The following CLSTN2 variants were observed in gnomAD, a reference collection of about 807,000 sequenced individuals.
CLSTN2 encodes calsyntenin-2.
CLSTN2 carries 48 observed loss-of-function variants against 101.2 expected under a neutral mutation model. The ratio of observed to expected loss-of-function variants is 0.47; its 90% CI spans 0.38 to 0.60. The LOEUF is 0.60. Ranked by LOEUF, CLSTN2 falls within the 20% of genes least tolerant of loss-of-function variation. The pLI, the probability that CLSTN2 is intolerant of heterozygous loss-of-function variation, is 0.00. For synonymous variants in CLSTN2, 481 were observed against 463.6 expected, an observed-to-expected ratio of 1.04 and a Z score of -0.48; for missense variants, 1,160 against 1,238.2, an observed-to-expected ratio of 0.94 and a Z score of 0.95.
chr3:140,444,635 G>A (rs1218634834), intron 5 of CLSTN2, among the ~76,000 whole-genome samples: 3 of 152,144 alleles, frequency 2.0e-5, no homozygotes, highest in African/African-American at 7.2e-5. Flanking sequence ...TTGAATAAAC[G>A]GTAATTTACC....
intron 1 of CLSTN2, among the ~76,000 whole-genome samples, chr3:140,163,550 G>T (rs1372325238): frequency 6.6e-6 from 1 of 151,800 alleles, no homozygotes; most frequent in Admixed American, 6.6e-5. Flanking sequence ...GTCCACTTTA[G>T]TCTTGGCTAT....
intron 2 of CLSTN2, among the ~76,000 whole-genome samples, chr3:140,378,208 C>T (rs1433040844): frequency 2.6e-5 from 4 of 152,108 alleles, no homozygotes; most frequent in African/African-American, 7.2e-5. Flanking sequence ...CAATTTTCTT[C>T]AAATGTATCC....
chr3:140,072,908 G>C (rs192653067), intron 1 of CLSTN2, among the ~76,000 whole-genome samples: 1 of 152,266 alleles, frequency 6.6e-6, no homozygotes, highest in African/African-American at 2.4e-5. Context: ...AGACTGCTAC[G>C]GAGATTGTTT....
At chr3:140,456,991 G>A (rs1933418058) in intron 6 of CLSTN2, among the ~76,000 whole-genome samples, 1 of 152,062 alleles carries the variant, frequency 6.6e-6, no homozygotes, top group African/African-American at 2.4e-5. Context: ...TGTTTGGAGG[G>A]AAATTCACAA....
Position 140,097,391 on chromosome 3 carries a change from CT to C in CLSTN2, c.110-78559del, listed in dbSNP as rs1217963342. Among the ~76,000 whole-genome samples the C allele has an allele frequency of 3.3e-5, 5 of 152,242 alleles. No homozygotes were observed. The South Asian group carries it at 8.3e-4, about 25-fold the overall frequency. ...TTCTGTTGGCTTGCTACAGCACCCCCTGCTTTACTTTCAGCCTACCATTTTT... is the reference window on the plus strand; with the variant it reads ...TTCTGTTGGCTTGCTACAGCACCCCCGCTTTACTTTCAGCCTACCATTTTT... On this transcript the variant is annotated intron_variant, in intron 1 of 16. Coordinates refer to ENST00000458420, the MANE Select transcript of CLSTN2 (RefSeq NM_022131.3).
chr3:140,497,936 T>C (rs1192281654), intron 8 of CLSTN2, among the ~76,000 whole-genome samples: 2 of 152,140 alleles, frequency 1.3e-5, no homozygotes, highest in Non-Finnish European at 2.9e-5. Flanking sequence ...CGTTGGGGGT[T>C]CCTTTGGCTC....
At chr3:140,151,579 G>A (rs1028516051) in intron 1 of CLSTN2, among the ~76,000 whole-genome samples, 6 of 152,094 alleles carry the variant, frequency 3.9e-5, no homozygotes, top group African/African-American at 1.2e-4. Flanking sequence ...TTTTAAAGAG[G>A]CCGTGCTTCC....
chr3:140,314,587 C>CT (rs1414568537), intron 2 of CLSTN2, among the ~76,000 whole-genome samples: 22 of 150,992 alleles, frequency 1.5e-4, no homozygotes, highest in African/African-American at 5.1e-4. Context: ...TTTTTTTTTT[C>CT]TTTAAATAAG....
intron 1 of CLSTN2, among the ~76,000 whole-genome samples, chr3:140,157,868 C>A (rs759397676): frequency 1.3e-5 from 2 of 152,162 alleles, no homozygotes; most frequent in South Asian, 4.1e-4. Flanking sequence ...ATACACAAAT[C>A]AGTAAATGTG....
At chr3:139,957,635 G>A (rs1469139660) in intron 1 of CLSTN2, among the ~76,000 whole-genome samples, 1 of 152,164 alleles carries the variant, frequency 6.6e-6, no homozygotes, top group Non-Finnish European at 1.5e-5. Flanking sequence ...AGGAATGAAT[G>A]AAGTGATTTA....
chr3:140,507,166 A>G (rs2107765517), intron 8 of CLSTN2: 1 of 152,294 alleles, frequency 6.6e-6, no homozygotes, highest in East Asian at 1.9e-4. Context: ...GAGTTAAGGA[A>G]GGAATGTCAG....
chr3:140,047,789 C>T (rs183633808), intron 1 of CLSTN2, among the ~76,000 whole-genome samples: 9 of 152,282 alleles, frequency 5.9e-5, no homozygotes, highest in Admixed American at 3.9e-4. Flanking sequence ...CCCATTAGTT[C>T]GTTAACACAT....
chr3:140,558,080 A>G (rs948500238), intron 11 of CLSTN2, among the ~76,000 whole-genome samples: 1 of 152,124 alleles, frequency 6.6e-6, no homozygotes, highest in Non-Finnish European at 1.5e-5. Flanking sequence ...TCTGTCTCAG[A>G]CCTCGCTCTT....
intron 2 of CLSTN2, among the ~76,000 whole-genome samples, chr3:140,315,235 A>G (rs1246704501): frequency 2.0e-5 from 3 of 152,190 alleles, no homozygotes; most frequent in Non-Finnish European, 4.4e-5. Flanking sequence ...ATAAATGAAA[A>G]TGTGTGTAAA....
intron 2 of CLSTN2, among the ~76,000 whole-genome samples, chr3:140,294,625 C>T (rs1030665897): frequency 4.6e-5 from 7 of 152,004 alleles, no homozygotes; most frequent in Non-Finnish European, 7.3e-5. Flanking sequence ...ATCAATTTCC[C>T]TCCCTGCCCA....
At chr3:140,181,194 G>C (rs2010402536) in intron 2 of CLSTN2, among the ~76,000 whole-genome samples, 1 of 152,106 alleles carries the variant, frequency 6.6e-6, no homozygotes, top group Admixed American at 6.6e-5. Context: ...ATTTAAAATG[G>C]GGGTAATCAT....
intron 7 of CLSTN2, among the ~76,000 whole-genome samples, chr3:140,466,119 A>C (rs1338293269): frequency 6.6e-6 from 1 of 152,226 alleles, no homozygotes; most frequent in East Asian, 1.9e-4. Flanking sequence ...GCTCTGCTTC[A>C]TATAGATTAG....
intron 1 of CLSTN2, among the ~76,000 whole-genome samples, chr3:140,141,971 C>CA (rs1306083162): frequency 1.3e-5 from 2 of 151,998 alleles, no homozygotes; most frequent in Non-Finnish European, 2.9e-5. Context: ...ATAAAGAAAA[C>CA]AAAAAATAAG....
intron 1 of CLSTN2, among the ~76,000 whole-genome samples, chr3:140,037,985 T>C (rs1470234964): frequency 2.6e-5 from 4 of 152,236 alleles, no homozygotes; most frequent in Non-Finnish European, 5.9e-5. Flanking sequence ...TTTGGAATTG[T>C]GAATAGTGCT....
Sources: allele counts gnomAD v4.1 joint callset (sites outside exome capture counted in the v4.1 genomes callset), GRCh38; gene constraint gnomAD v4.1.1; transcripts MANE v1.5; gene names NCBI Gene and HGNC (gene_info 2026-07-23, HGNC 2026-07-21).